SPAG16: variants seen among roughly 807,000 people sequenced by gnomAD.
SPAG16 encodes sperm associated antigen 16.
In SPAG16, 86 loss-of-function variants were observed where a neutral mutation model predicts 80.4. That is an observed-to-expected ratio of 1.07 (90% confidence interval 0.90 to 1.28). The LOEUF (loss-of-function observed/expected upper bound fraction) is 1.28. Among genes scored for constraint, SPAG16 ranks in the 50% most tolerant of loss-of-function variants. SPAG16 has a pLI of 0.00. For synonymous variants in SPAG16, 294 were observed against 265.9 expected, an observed-to-expected ratio of 1.11 and a Z score of -1.03; for missense variants, 870 against 765.3, an observed-to-expected ratio of 1.14 and a Z score of -1.61.
chr2:214,057,440 T>G (rs1178586934), intron 13 of SPAG16, among the ~76,000 whole-genome samples: 1 of 152,154 alleles, frequency 6.6e-6, no homozygotes, highest in Non-Finnish European at 1.5e-5. Flanking sequence ...GCAGTAGGTC[T>G]TAACGGTGGG....
At chr2:213,863,578 A>G (rs6435801) in intron 11 of SPAG16, among the ~76,000 whole-genome samples, 90,610 of 151,710 alleles carry the variant, frequency 0.6, 28,844 homozygotes, top group South Asian at 0.85. Flanking sequence ...GTTTGACCCT[A>G]CTTTATGAAC....
At chr2:213,760,138 C>T (rs2068575024) in intron 10 of SPAG16, among the ~76,000 whole-genome samples, 1 of 151,996 alleles carries the variant, frequency 6.6e-6, no homozygotes, top group South Asian at 2.1e-4. Context: ...AATCAAAAGA[C>T]TGGCAAAATA....
chr2:214,330,747 C>T (rs1042106806), intron 15 of SPAG16, among the ~76,000 whole-genome samples: 5 of 152,172 alleles, frequency 3.3e-5, no homozygotes, highest in African/African-American at 4.8e-5. Flanking sequence ...CTATTCCTGA[C>T]GATAGACCCA....
At chr2:213,758,497 A>G (rs1015841735) in intron 10 of SPAG16, among the ~76,000 whole-genome samples, 4 of 152,142 alleles carry the variant, frequency 2.6e-5, no homozygotes, top group Admixed American at 6.5e-5. Flanking sequence ...TTCAATGGAT[A>G]GGAAACCTCA....
intron 15 of SPAG16, among the ~76,000 whole-genome samples, chr2:214,264,278 G>T (rs1402247122): frequency 2.0e-5 from 3 of 152,012 alleles, no homozygotes; most frequent in African/African-American, 7.2e-5. Context: ...CATCTCTGTG[G>T]ACTCTAAGTG....
intron 11 of SPAG16, chr2:213,923,729 T>A (rs1382651618): frequency 2.0e-5 from 3 of 152,196 alleles, no homozygotes; most frequent in Non-Finnish European, 4.4e-5. Context: ...ATTGATCACC[T>A]GGCAACCAGT....
intron 15 of SPAG16, among the ~76,000 whole-genome samples, chr2:214,366,050 C>A (rs1437584611): frequency 2.0e-5 from 3 of 150,884 alleles, no homozygotes; most frequent in Non-Finnish European, 4.4e-5. Context: ...ATGATCTCGG[C>A]TCACTGCAAC....
intron 10 of SPAG16, among the ~76,000 whole-genome samples, chr2:213,850,195 G>T (rs139933806): frequency 6.6e-6 from 1 of 152,208 alleles, no homozygotes. Flanking sequence ...TTTCTTTCAC[G>T]TATTAGAAAG....
At chr2:213,695,153 C>T (rs2065104931) in intron 10 of SPAG16, among the ~76,000 whole-genome samples, 1 of 152,112 alleles carries the variant, frequency 6.6e-6, no homozygotes, top group Non-Finnish European at 1.5e-5. Context: ...TTTTACATAT[C>T]TTTTAACCAT....
At chr2:213,996,709 C>T (rs185913652) in intron 12 of SPAG16, among the ~76,000 whole-genome samples, 242 of 151,922 alleles carry the variant, frequency 1.6e-3, no homozygotes, top group African/African-American at 5.7e-3. Context: ...GCTGAGATTA[C>T]AGGCATGTGC....
At chr2:213,495,795 T>C (rs1450207878) in intron 10 of SPAG16, among the ~76,000 whole-genome samples, 2 of 152,074 alleles carry the variant, frequency 1.3e-5, no homozygotes, top group East Asian at 3.9e-4. Flanking sequence ...GGAAGAAAAT[T>C]AGAGTCAGAG....
intron 11 of SPAG16, among the ~76,000 whole-genome samples, chr2:213,867,057 T>C (rs1187375496): frequency 6.6e-6 from 1 of 152,228 alleles, no homozygotes; most frequent in Non-Finnish European, 1.5e-5. Context: ...TTGTTTACAG[T>C]GGAATTGGTT....
chr2:214,040,871 G>A (rs1269562872), intron 13 of SPAG16, among the ~76,000 whole-genome samples: 1 of 151,930 alleles, frequency 6.6e-6, no homozygotes. Context: ...TCAGCATTTA[G>A]ATTCAGGACT....
At chr2:214,055,802 A>C (rs2049906156) in intron 13 of SPAG16, among the ~76,000 whole-genome samples, 1 of 152,200 alleles carries the variant, frequency 6.6e-6, no homozygotes. Context: ...CTTATATTGG[A>C]GCACATTTCT....
chr2:214,160,338 T>C (rs2056389084), intron 15 of SPAG16, among the ~76,000 whole-genome samples: 1 of 151,956 alleles, frequency 6.6e-6, no homozygotes, highest in African/African-American at 2.4e-5. Flanking sequence ...TTTTTTCTTG[T>C]ATTTATACTA....
At chr2:214,030,124 C>T (rs932448144) in intron 13 of SPAG16, among the ~76,000 whole-genome samples, 1 of 152,080 alleles carries the variant, frequency 6.6e-6, no homozygotes, top group Non-Finnish European at 1.5e-5. Flanking sequence ...CATTGACTAA[C>T]TCTCTATTTC....
chr2:214,099,425 G>T (rs1480288930), intron 13 of SPAG16, among the ~76,000 whole-genome samples: 2 of 152,010 alleles, frequency 1.3e-5, no homozygotes, highest in Admixed American at 1.3e-4. Context: ...TATACACAAA[G>T]TACTTAGTAA....
chr2:214,196,989 A>G (rs547886728), intron 15 of SPAG16, among the ~76,000 whole-genome samples: 1 of 152,154 alleles, frequency 6.6e-6, no homozygotes, highest in East Asian at 1.9e-4. Context: ...ATGATAATGT[A>G]TAAATCTAAC....
rs1007955600 is a variant in SPAG16, at chr2:214,237,738, T to G, written c.1720+88472T>G. On this transcript the variant is annotated intron_variant, in intron 15 of 15. Coordinates refer to ENST00000331683, the MANE Select transcript of SPAG16 (RefSeq NM_024532.5). ...TATCTTTACTTCATCTCATTTCCTC[T>G]CTAAAAAGTCATCTGGATGTGAAAG... 2.6e-5 allele frequency among the ~76,000 whole-genome samples: 4 copies of G among 152,018 alleles called. 1 individual carries two copies. The highest frequency in any genetic ancestry group is 6.6e-5 in the Admixed American group (1 of 15,236).
Sources: gnomAD v4.1 joint callset for allele counts (sites outside exome capture counted in the v4.1 genomes callset) on GRCh38, gnomAD v4.1.1 for gene constraint, MANE v1.5 for transcripts, NCBI Gene and HGNC (gene_info 2026-07-23, HGNC 2026-07-21) for gene names.